PSD4: variants seen among roughly 807,000 people sequenced by gnomAD.
PSD4 encodes PH and SEC7 domain-containing protein 4.
Under a neutral mutation model 112.5 loss-of-function variants are expected in PSD4, and 59 were observed. The ratio of observed to expected loss-of-function variants is 0.52; its 90% CI spans 0.43 to 0.65. The LOEUF (loss-of-function observed/expected upper bound fraction) is 0.65. Among genes scored for constraint, PSD4 ranks in the 30% least tolerant of loss-of-function variants. PSD4 has a pLI of 0.00. For missense variants in PSD4, 1,267 were observed against 1,352.6 expected (o/e 0.94, Z 0.99); for synonymous variants, 533 against 540.0 (o/e 0.99, Z 0.18).
At chr2:113,174,972 C>A (rs1687929361) in intron 1 of PSD4, among the ~76,000 whole-genome samples, 1 of 152,194 alleles carries the variant, frequency 6.6e-6, no homozygotes, top group Admixed American at 6.5e-5. Context: ...GGTCCCCAAG[C>A]AGGCCTGTCT....
intron 1 of PSD4, among the ~76,000 whole-genome samples, chr2:113,174,496 C>T (rs1018508443): frequency 8.5e-5 from 13 of 152,092 alleles, no homozygotes; most frequent in African/African-American, 2.7e-4. Context: ...AAGTGATTCT[C>T]GACCCTAGAC....
chr2:113,182,867 C>T lies in PSD4; in HGVS notation c.411C>T (p.Asn137=), dbSNP rs755677338. ...CAGCATCACCAGGGTCACCAGTGAA[C>T]AGCCATCTACCGGGGAGCCCAAAGC... ...QNTASPGSPV[N]SHLPGSPKQN... The change falls in exon 2 of 17, where the codon AAC becomes AAT. Residue 137 remains asparagine, a synonymous_variant. Coordinates refer to ENST00000245796, the MANE Select transcript of PSD4 (RefSeq NM_012455.3). 1.1e-5 allele frequency: 17 copies of T among 1,613,962 alleles called. No homozygotes were observed. The highest frequency in any genetic ancestry group is 1.4e-5 in the Non-Finnish European group (17 of 1,179,962).
At position 113,208,363 on chromosome 2, in the gene PSD4, T is replaced by C. The variant is rs1688894165; in HGVS notation, c.*6948T>C. 1 of 152,220 alleles carries C rather than the reference T, an allele frequency of 6.6e-6. No individual in the cohort carries two copies. Among genetic ancestry groups the C allele is most frequent in the African/African-American group, 2.4e-5 (1 of 41,442 alleles). The allele number at this position is 152,220 out of a possible 1,614,324, so 9.4% of individuals were successfully genotyped here. On this transcript the variant is annotated 3_prime_UTR_variant, in exon 17 of 17. Coordinates refer to ENST00000245796, the MANE Select transcript of PSD4 (RefSeq NM_012455.3). ...GTCCACAATACATGGCTCCTCAATA[T>C]ATCTTCCTGAAATTACAAATGACCA...
chr2:113,205,165 A>C lies in PSD4; in HGVS notation c.*3750A>C, dbSNP rs1688845109. On this transcript the variant is annotated 3_prime_UTR_variant, in exon 17 of 17. Coordinates refer to ENST00000245796, the MANE Select transcript of PSD4 (RefSeq NM_012455.3). ...TATTTTTTAGTAGAGACAGGGTTTC[A>C]CCATGTTGGTCAGGCTGGTCTCAAA... 1 of 151,878 alleles carries C rather than the reference A, an allele frequency of 6.6e-6. No homozygotes were observed. Among genetic ancestry groups the C allele is most frequent in the Non-Finnish European group, 1.5e-5 (1 of 67,944 alleles). 9.4% of individuals were successfully genotyped at this position (151,878 alleles called of 1,614,324 possible).
intron 16 of PSD4, among the ~76,000 whole-genome samples, chr2:113,200,713 G>T (rs1352763637): frequency 6.6e-6 from 1 of 152,226 alleles, no homozygotes; most frequent in Non-Finnish European, 1.5e-5. Context: ...GGCCTCAGGA[G>T]TACAGTGTTA....
At chr2:113,193,835 C>T (rs1688525757) in intron 9 of PSD4, 24 bp from the exon 10 acceptor site, 5 of 1,610,390 alleles carry the variant, frequency 3.1e-6, no homozygotes, top group Non-Finnish European at 4.2e-6. Flanking sequence ...GTGCTCGAGT[C>T]ATCCCACTTC....
rs12472091 is a variant in PSD4, at chr2:113,183,153, T to C, written c.697T>C (p.Ser233Pro). The change falls in exon 2 of 17, where the codon TCT becomes CCT. Residue 233 changes from serine (S) to proline (P), a missense_variant. Transcript: ENST00000245796. ...ATGGCTGAGAGAGGGAACCCCAGAC[T>C]CTTCCCCACAGTGGGGAGCTGAGGA... is the stretch of plus-strand genomic sequence containing the variant. ...QAWLREGTPDSSPQWGAEEES... is the reference protein window; with the variant it reads ...QAWLREGTPDPSPQWGAEEES... 0.032 allele frequency: 51,483 copies of C among 1,614,098 alleles called. 1,711 individuals carry two copies. The highest frequency in any genetic ancestry group is 0.16 in the Admixed American group (9,481 of 60,012).
chr2:113,198,860 C>T lies in PSD4; in HGVS notation c.2745C>T (p.Pro915=), dbSNP rs369985754. ...GCAGATTCGTGCGGCCCATCCTGCC[C>T]GTGGGCCCCGCCCAGAGCTCCCTGG... The part of the protein sequence containing the change: ...SQRRFVRPIL[P]VGPAQSSLEE... The change falls in exon 15 of 17, where the codon CCC becomes CCT. Residue 915 remains proline, a synonymous_variant. Coordinates refer to ENST00000245796, the MANE Select transcript of PSD4 (RefSeq NM_012455.3). The T allele has an allele frequency of 1.8e-5, 29 of 1,594,862 alleles. No individual in the cohort carries two copies. The African/African-American group carries it at 1.9e-4, about 10-fold the overall frequency.
In PSD4 at chr2:113,199,199, C is replaced by A. The variant is rs1228622392; in HGVS notation, c.2886C>A (p.Arg962=). The A allele has an allele frequency of 1.3e-6, 2 of 1,518,342 alleles. No homozygotes were observed. The highest frequency in any genetic ancestry group is 1.8e-6 in the Non-Finnish European group (2 of 1,136,606). The allele number at this position is 1,518,342 out of a possible 1,614,324, so 94.1% of individuals were successfully genotyped here. The part of the protein sequence containing the change: ...RGRGRELEEH[R]LRKEYLEYEK... ...GTGGCCGCGAGCTGGAGGAGCACCGCCTGCGGAAGGAGTACCTGGAGTACG... is the reference window on the plus strand; with the variant it reads ...GTGGCCGCGAGCTGGAGGAGCACCGACTGCGGAAGGAGTACCTGGAGTACG... Residue 962 remains arginine, a synonymous_variant, in exon 16 of 17, where the codon CGC becomes CGA. Coordinates refer to ENST00000245796, the MANE Select transcript of PSD4 (RefSeq NM_012455.3).
intron 5 of PSD4, among the ~76,000 whole-genome samples, chr2:113,187,877 A>G (rs560190228): frequency 1.3e-5 from 2 of 152,332 alleles, no homozygotes; most frequent in East Asian, 1.9e-4. Flanking sequence ...TGAACACTAC[A>G]TAATGCAGGA....
At chr2:113,182,139 G>A (rs922473365) in intron 1 of PSD4, among the ~76,000 whole-genome samples, 4 of 152,220 alleles carry the variant, frequency 2.6e-5, no homozygotes, top group Non-Finnish European at 5.9e-5. Context: ...CTTTGGGGCA[G>A]GTGCTGCCCT....
At chr2:113,199,008 G>C in intron 15 of PSD4, 75 bp from the exon 16 acceptor site, 1 of 1,512,176 alleles carries the variant, frequency 6.6e-7, no homozygotes, top group African/African-American at 1.4e-5. Context: ...GCGGCCAGGG[G>C]GGCGGCGCGC....
intron 1 of PSD4, among the ~76,000 whole-genome samples, chr2:113,180,272 C>T (rs866537615): frequency 6.6e-6 from 1 of 152,294 alleles, no homozygotes; most frequent in African/African-American, 2.4e-5. Context: ...TGCAGTGGGG[C>T]TCCCAGATGC....
chr2:113,197,355 G>T, intron 12 of PSD4: 1 of 616,244 alleles, frequency 1.6e-6, no homozygotes. Context: ...TGTTTCCAGC[G>T]GGCATTGCCT....
At position 113,205,811 on chromosome 2, in the gene PSD4, G is replaced by A. The variant is rs888051036; in HGVS notation, c.*4396G>A. 6.6e-6 allele frequency: 1 copy of A among 152,156 alleles called. No homozygotes were observed. Among genetic ancestry groups the A allele is most frequent in the Non-Finnish European group, 1.5e-5 (1 of 68,036 alleles). The allele number at this position is 152,156 out of a possible 1,614,324, so 9.4% of individuals were successfully genotyped here. A position where few individuals can be genotyped will look rare whatever the true frequency, so the allele number is the denominator to read the frequency against. On this transcript the variant is annotated 3_prime_UTR_variant, in exon 17 of 17. Coordinates refer to ENST00000245796, the MANE Select transcript of PSD4 (RefSeq NM_012455.3). ...CCTTGTGAAAACCTGGCCGTAGCAG[G>A]TCCTTTTTCCTCCTGCTGAGCTGAG...
At chr2:113,189,833 T>C (rs1454215915) in intron 5 of PSD4, among the ~76,000 whole-genome samples, 1 of 152,262 alleles carries the variant, frequency 6.6e-6, no homozygotes. Flanking sequence ...TGTCTATTCA[T>C]GTCCTTAGCC....
At chr2:113,195,702 G>A (rs753249023) in intron 10 of PSD4, 25 bp from the exon 11 acceptor site, 3 of 1,614,098 alleles carry the variant, frequency 1.9e-6, no homozygotes, top group Non-Finnish European at 2.5e-6. Context: ...AGGCTCCCCT[G>A]CCCACCTGTG....
At chr2:113,200,868 G>T (rs1242960255) in intron 16 of PSD4, among the ~76,000 whole-genome samples, 1 of 152,146 alleles carries the variant, frequency 6.6e-6, no homozygotes, top group East Asian at 1.9e-4. Context: ...ATCTTTTAGT[G>T]CCTCAAAGAT....
chr2:113,200,126 G>A (rs1158970275), intron 16 of PSD4, among the ~76,000 whole-genome samples: 1 of 121,438 alleles, frequency 8.2e-6, no homozygotes, highest in East Asian at 3.4e-4. Flanking sequence ...GCCCCGGCCA[G>A]TAATGACTTT....
Sources: allele counts gnomAD v4.1 joint callset (sites outside exome capture counted in the v4.1 genomes callset), GRCh38; gene constraint gnomAD v4.1.1; transcripts MANE v1.5; gene names NCBI Gene and HGNC (gene_info 2026-07-23, HGNC 2026-07-21).